The following MIAT variants were observed in gnomAD, a reference collection of about 807,000 sequenced individuals.
MIAT encodes the protein MI related novel mRNA.
intron 2 of MIAT, chr22:26,657,558 G>C: frequency 2.5e-6 from 1 of 398,788 alleles, no homozygotes; most frequent in Non-Finnish European, 4.4e-6. Flanking sequence ...GGAGGAGTTT[G>C]AGATGGGAGG....
At chr22:26,653,572 C>T (rs554043717) in intron 2 of MIAT, among the ~76,000 whole-genome samples, 16 of 152,236 alleles carry the variant, frequency 1.1e-4, no homozygotes, top group Non-Finnish European at 1.6e-4. Context: ...AAAGCAATCA[C>T]GTAGTTTTTA....
chr22:26,657,024 C>G (rs961359968), intron 2 of MIAT, among the ~76,000 whole-genome samples: 1 of 152,270 alleles, frequency 6.6e-6, no homozygotes, highest in Non-Finnish European at 1.5e-5. Flanking sequence ...CTGGACTCCA[C>G]CATAACCATG....
At chr22:26,672,998 G>T, downstream of MIAT, 2 of 398,632 alleles carry the variant, frequency 5.0e-6, no homozygotes, top group Non-Finnish European at 8.8e-6. Flanking sequence ...GTAAGTAGAC[G>T]TGGGGCCGTG....
At chr22:26,675,230 C>T (rs575557776) in exon 5 of MIAT, 30 of 398,836 alleles carry the variant, frequency 7.5e-5, no homozygotes, top group African/African-American at 4.1e-4. Flanking sequence ...GGATGAGTTC[C>T]GGGCAGCGAG....
At chr22:26,663,547 C>A (rs1042994939) in intron 3 of MIAT, 6 of 392,282 alleles carry the variant, frequency 1.5e-5, no homozygotes, top group African/African-American at 1.0e-4. Context: ...GGTTCCAGTT[C>A]CCCAATCGTG....
chr22:26,647,723 T>C (rs1242676282), intron 2 of MIAT, among the ~76,000 whole-genome samples: 1 of 151,984 alleles, frequency 6.6e-6, no homozygotes, highest in East Asian at 1.9e-4. Flanking sequence ...CAGCTTTGCA[T>C]TTCCAGAATC....
intron 2 of MIAT, chr22:26,657,487 A>G (rs1178067779): frequency 3.0e-5 from 12 of 398,542 alleles, no homozygotes; most frequent in Admixed American, 8.8e-5. Flanking sequence ...TGCAGCAGCT[A>G]CAAAGACGAC....
downstream of MIAT, chr22:26,670,417 A>T (rs182734020): frequency 1.8e-5 from 7 of 398,410 alleles, no homozygotes; most frequent in Non-Finnish European, 3.1e-5. Flanking sequence ...CAGTCTACTG[A>T]GGCACAAGTT....
intron 2 of MIAT, among the ~76,000 whole-genome samples, chr22:26,662,395 T>C (rs1054244878): frequency 1.3e-5 from 2 of 152,194 alleles, no homozygotes; most frequent in African/African-American, 4.8e-5. Context: ...TGTTTTGCCA[T>C]GTAGATAAAG....
At chr22:26,664,212 G>A (rs959398286) in intron 3 of MIAT, among the ~76,000 whole-genome samples, 1 of 151,874 alleles carries the variant, frequency 6.6e-6, no homozygotes. Context: ...GGGCTTTGCC[G>A]TGTTGGCCAG....
downstream of MIAT, chr22:26,674,654 TAGAA>T (rs567028274): frequency 7.5e-5 from 30 of 398,638 alleles, no homozygotes; most frequent in African/African-American, 3.9e-4. Context: ...AAAGATGTCT[TAGAA>T]AGAGCTTTGA....
At chr22:26,647,934 G>T (rs1029419310) in intron 2 of MIAT, among the ~76,000 whole-genome samples, 1 of 152,040 alleles carries the variant, frequency 6.6e-6, no homozygotes, top group South Asian at 2.1e-4. Context: ...CTGGAGGAAG[G>T]GTGTTTTTGT....
exon 4 of MIAT, chr22:26,665,997 A>C: frequency 2.5e-6 from 1 of 398,634 alleles, no homozygotes. Flanking sequence ...CATATTTATA[A>C]ACCTTGGACA....
At position 26,665,511 on chromosome 22, in the gene MIAT, A is replaced by C. The variant is rs551309167; in HGVS notation, n.730-20A>C. On this transcript the variant is annotated intron_variant and non_coding_transcript_variant, in intron 3 of 5. Transcript: ENST00000643270. ...TGGATCAAGCCAGGCTCCTCTGAGC[A>C]GTCCAGGGTCTATTTACAGAGAGCA... 1.3e-5 allele frequency: 5 copies of C among 398,706 alleles called. No homozygotes were observed. In the South Asian group the frequency reaches 6.4e-4, roughly 51 times the overall value. The allele number at this position is 398,706 out of a possible 1,614,324, so 24.7% of individuals were successfully genotyped here.
downstream of MIAT, chr22:26,673,072 T>C (rs1336090644): frequency 2.5e-6 from 1 of 398,384 alleles, no homozygotes; most frequent in Non-Finnish European, 4.4e-6. Flanking sequence ...GTTGTCGGGT[T>C]GAAAAGGGGT....
At chr22:26,667,082 C>A in intron 4 of MIAT, 1 of 277,462 alleles carries the variant, frequency 3.6e-6, no homozygotes, top group East Asian at 5.7e-5. Context: ...AGCCAGGTGG[C>A]TGGAATGCTT....
intron 2 of MIAT, among the ~76,000 whole-genome samples, chr22:26,650,795 G>A (rs1930324101): frequency 6.6e-6 from 1 of 152,198 alleles, no homozygotes. Context: ...AAGGATTCAG[G>A]ATGATGCAGA....
At chr22:26,666,635 G>A in exon 4 of MIAT, 1 of 398,676 alleles carries the variant, frequency 2.5e-6, no homozygotes, top group Non-Finnish European at 4.4e-6. Context: ...GCTGTTGTTG[G>A]GAAACAGGGA....
intron 2 of MIAT, among the ~76,000 whole-genome samples, chr22:26,659,371 A>G (rs1305381197): frequency 6.6e-6 from 1 of 152,090 alleles, no homozygotes; most frequent in African/African-American, 2.4e-5. Flanking sequence ...ATGCCCGCCT[A>G]TTTTACTATT....
Sources: gnomAD v4.1 joint callset for allele counts (sites outside exome capture counted in the v4.1 genomes callset) on GRCh38, gnomAD v4.1.1 for gene constraint, MANE v1.5 for transcripts, NCBI Gene and HGNC (gene_info 2026-07-23, HGNC 2026-07-21) for gene names.